The following TOR1B variants were observed in gnomAD, a reference collection of about 807,000 sequenced individuals.
TOR1B encodes the protein torsin-1B.
TOR1B carries 14 observed loss-of-function variants against 29.2 expected under a neutral mutation model. The ratio of observed to expected loss-of-function variants is 0.48; its 90% confidence interval spans 0.32 to 0.75. TOR1B has a LOEUF of 0.75. TOR1B is among the 30% of genes least tolerant of loss of function. TOR1B has a pLI of 0.04. For synonymous variants in TOR1B, 166 were observed against 179.8 expected (o/e 0.92, Z 0.62); for missense variants, 400 against 433.9 (o/e 0.92, Z 0.69).
rs1432898154 is a variant in TOR1B, at chr9:129,811,003, C to T, written c.*1420C>T. ...GACTTAGCTTCCAGCCAGTGTGAAT[C>T]ATTGTATCTGTCTCATAATCACAGC... On this transcript the variant is annotated 3_prime_UTR_variant, in exon 5 of 5. Transcript: ENST00000259339. 6.6e-6 allele frequency: 1 copy of T among 152,198 alleles called. No homozygotes were observed. The highest frequency in any genetic ancestry group is 1.5e-5 in the Non-Finnish European group (1 of 68,034). The allele number at this position is 152,198 out of a possible 1,614,324, so 9.4% of individuals were successfully genotyped here. A position where few individuals can be genotyped will look rare whatever the true frequency, so the allele number is the denominator to read the frequency against.
chr9:129,808,386 C>T (rs1039170308), intron 3 of TOR1B, among the ~76,000 whole-genome samples: 6 of 151,680 alleles, frequency 4.0e-5, no homozygotes, highest in Non-Finnish European at 7.4e-5. Context: ...GTAATCCCAG[C>T]TACTCAGGAG....
Position 129,810,358 on chromosome 9 carries a change from T to TCA in TOR1B, c.*775_*776insCA. 1.3e-6 allele frequency: 1 copy of TCA among 763,364 alleles called. No individual in the cohort carries two copies. The highest frequency in any genetic ancestry group is 1.7e-6 in the Non-Finnish European group (1 of 583,500). The allele number at this position is 763,364 out of a possible 1,614,324, so 47.3% of individuals were successfully genotyped here. On this transcript the variant is annotated 3_prime_UTR_variant, in exon 5 of 5. Coordinates refer to ENST00000259339, the MANE Select transcript of TOR1B (RefSeq NM_014506.3). ...ACCTGTGTGTGTGTGTGTGGGGGGG[T>TCA]GGGGCCTTCACCTAAGACCTCTGCA...
chr9:129,804,555 C>G, intron 2 of TOR1B: 1 of 584,346 alleles, frequency 1.7e-6, no homozygotes. Flanking sequence ...GATGTTATTT[C>G]CATTAAAAGA....
At position 129,804,119 on chromosome 9, in the gene TOR1B, C is replaced by T; in HGVS notation, c.246C>T (p.Ala82=). The change falls in exon 2 of 5, where the codon GCC becomes GCT. Residue 82 remains alanine (A), a synonymous_variant. Coordinates refer to ENST00000259339, the MANE Select transcript of TOR1B (RefSeq NM_014506.3). The part of the protein sequence containing the change: ...LEEKLFGQHL[A]TEVIFKALTG... Reference sequence around the variant, plus strand: ...AGAAGCTGTTTGGACAGCATCTAGCCACGGAAGTGATTTTCAAGGCGCTGA... The same window carrying T: ...AGAAGCTGTTTGGACAGCATCTAGCTACGGAAGTGATTTTCAAGGCGCTGA... 1 of 1,614,188 alleles carries T rather than the reference C, an allele frequency of 6.2e-7. No individual in the cohort carries two copies. Among genetic ancestry groups the T allele is most frequent in the Non-Finnish European group, 8.5e-7 (1 of 1,180,042 alleles).
chr9:129,804,262 G>A lies in TOR1B; in HGVS notation c.389G>A (p.Gly130Asp). ...QIVAENLHPK[G>D]LKSNFVHLFV... ...GTGGCTGAAAATCTTCACCCAAAAGGTCTGAAGAGTAACTTTGTCCACCTG... is the reference window on the plus strand; with the variant it reads ...GTGGCTGAAAATCTTCACCCAAAAGATCTGAAGAGTAACTTTGTCCACCTG... The change falls in exon 2 of 5, where the codon GGT becomes GAT. Residue 130 changes from glycine to aspartate, a missense_variant. Transcript: ENST00000259339. The A allele has an allele frequency of 6.2e-7, 1 of 1,614,174 alleles. No homozygotes were observed. Among genetic ancestry groups the A allele is most frequent in the Non-Finnish European group, 8.5e-7 (1 of 1,180,026 alleles).
In TOR1B at chr9:129,806,425, A is replaced by G. The variant is rs534729473; in HGVS notation, c.466-763A>G. On this transcript the variant is annotated intron_variant, in intron 2 of 4. Transcript: ENST00000259339. ...TGTTTGAAGAAAACATCTGGAACAGATGCTTTTCATGAAATGTCATTGAGT... is the reference window on the plus strand; with the variant it reads ...TGTTTGAAGAAAACATCTGGAACAGGTGCTTTTCATGAAATGTCATTGAGT... 4.6e-5 allele frequency among the ~76,000 whole-genome samples: 7 copies of G among 152,308 alleles called. No individual in the cohort carries two copies. The East Asian group carries it at 9.6e-4, about 21-fold the overall frequency.
At chr9:129,805,638 C>T (rs1172382607) in intron 2 of TOR1B, among the ~76,000 whole-genome samples, 3 of 152,164 alleles carry the variant, frequency 2.0e-5, no homozygotes, top group Non-Finnish European at 2.9e-5. Flanking sequence ...GGATTTGCTC[C>T]GGTGTGGCTT....
In TOR1B at chr9:129,808,785, C is replaced by T. The variant is rs2030654361; in HGVS notation, c.642-120C>T. On this transcript the variant is annotated intron_variant, in intron 3 of 4. Coordinates refer to ENST00000259339, the MANE Select transcript of TOR1B (RefSeq NM_014506.3). ...CAGGCTGGCCTTGAACTCCCGACCTCAGGTGATCTACCTGCCTCGGCCTCC... is the reference window on the plus strand; with the variant it reads ...CAGGCTGGCCTTGAACTCCCGACCTTAGGTGATCTACCTGCCTCGGCCTCC... 19 of 1,267,120 alleles carry T rather than the reference C, an allele frequency of 1.5e-5. No individual in the cohort carries two copies. The South Asian group carries it at 2.4e-4, about 16-fold the overall frequency. The allele number at this position is 1,267,120 out of a possible 1,614,324, so 78.5% of individuals were successfully genotyped here.
intron 2 of TOR1B, among the ~76,000 whole-genome samples, chr9:129,804,827 A>G (rs1465994352): frequency 3.7e-5 from 4 of 108,486 alleles, no homozygotes; most frequent in African/African-American, 1.6e-4. Context: ...GCGCCACCGT[A>G]CTCGGTCTCA....
chr9:129,805,358 G>A (rs1391275723), intron 2 of TOR1B, among the ~76,000 whole-genome samples: 2 of 150,728 alleles, frequency 1.3e-5, no homozygotes, highest in African/African-American at 4.9e-5. Flanking sequence ...GGAGGCTGAG[G>A]TTGCAGTCAG....
At chr9:129,803,991 C>T (rs2030317062) in intron 1 of TOR1B, 82 bp from the exon 2 acceptor site, 16 of 1,568,582 alleles carry the variant, frequency 1.0e-5, no homozygotes, top group Non-Finnish European at 1.4e-5. Context: ...GTGCTTCTTG[C>T]TTTGGCCAGC....
In TOR1B at chr9:129,808,957, G is replaced by A. The variant is rs552325100; in HGVS notation, c.694G>A (p.Gly232Arg). ...GACGGCTCTTGACTTTTGGCGGGCC[G>A]GAAGAAAGAGGGAAGACATTCAGCT... ...TKTALDFWRA[G>R]RKREDIQLKD... Residue 232 changes from glycine (G) to arginine (R), a missense_variant, in exon 4 of 5, where the codon GGA (glycine) becomes AGA (arginine). Coordinates refer to ENST00000259339, the MANE Select transcript of TOR1B (RefSeq NM_014506.3). 118 of 1,614,004 alleles carry A rather than the reference G, an allele frequency of 7.3e-5. 2 individuals carry two copies. In the South Asian group the frequency reaches 1.1e-3, roughly 16 times the overall value.
Position 129,810,343 on chromosome 9 carries a change from G to A in TOR1B, c.*760G>A. 1.8e-6 allele frequency: 2 copies of A among 1,136,506 alleles called. No homozygotes were observed. The highest frequency in any genetic ancestry group is 2.3e-6 in the Non-Finnish European group (2 of 863,380). The allele number at this position is 1,136,506 out of a possible 1,614,324, so 70.4% of individuals were successfully genotyped here. A position where few individuals can be genotyped will look rare whatever the true frequency, so the allele number is the denominator to read the frequency against. ...TCTTGATCTGAGCTGACCTGTGTGT[G>A]TGTGTGTGGGGGGGTGGGGCCTTCA... On this transcript the variant is annotated 3_prime_UTR_variant, in exon 5 of 5. Transcript: ENST00000259339.
chr9:129,810,343 GTGTGTGT>G lies in TOR1B; in HGVS notation c.*761_*767del, dbSNP rs2030778698. 13 of 1,136,406 alleles carry G rather than the reference GTGTGTGT, an allele frequency of 1.1e-5. No homozygotes were observed. The highest frequency in any genetic ancestry group is 3.4e-5 in the African/African-American group (2 of 59,166). 70.4% of individuals were successfully genotyped at this position (1,136,406 alleles called of 1,614,324 possible). A position where few individuals can be genotyped will look rare whatever the true frequency, so the allele number is the denominator to read the frequency against. Reference sequence around the variant, plus strand: ...TCTTGATCTGAGCTGACCTGTGTGTGTGTGTGTGGGGGGGTGGGGCCTTCACCTAAGA... The same window carrying G: ...TCTTGATCTGAGCTGACCTGTGTGTGGGGGGGGTGGGGCCTTCACCTAAGA... On this transcript the variant is annotated 3_prime_UTR_variant, in exon 5 of 5. Transcript: ENST00000259339.
intron 3 of TOR1B, 73 bp from the exon 4 acceptor site, chr9:129,808,832 A>G (rs1466038114): frequency 1.3e-6 from 2 of 1,583,326 alleles, no homozygotes; most frequent in Non-Finnish European, 1.7e-6. Context: ...GATTACAGGC[A>G]TGAGCCACCA....
chr9:129,809,785 C>G lies in TOR1B; in HGVS notation c.*202C>G. 2.1e-6 allele frequency: 3 copies of G among 1,404,720 alleles called. No homozygotes were observed. Among genetic ancestry groups the G allele is most frequent in the Non-Finnish European group, 2.8e-6 (3 of 1,081,104 alleles). The allele number at this position is 1,404,720 out of a possible 1,614,324, so 87.0% of individuals were successfully genotyped here. A position where few individuals can be genotyped will look rare whatever the true frequency, so the allele number is the denominator to read the frequency against. On this transcript the variant is annotated 3_prime_UTR_variant, in exon 5 of 5. Transcript: ENST00000259339. ...TGGTGCAATCCTCAACTCACTGCAA[C>G]CTCCGCTCCCGGTTTGAGTGATTCT...
At chr9:129,809,146 A>G (rs1002716608) in intron 4 of TOR1B, 114 bp downstream of exon 4, 4 of 1,522,038 alleles carry the variant, frequency 2.6e-6, no homozygotes, top group Non-Finnish European at 2.6e-6. Flanking sequence ...ACTTTGCTAA[A>G]GTCAGGAATT....
In TOR1B at chr9:129,810,374, G is replaced by GACCTCTGC. The variant is rs1423056465; in HGVS notation, c.*793_*800dup. 1 of 1,248,504 alleles carries GACCTCTGC rather than the reference G, an allele frequency of 8.0e-7. No homozygotes were observed. The highest frequency in any genetic ancestry group is 1.6e-5 in the African/African-American group (1 of 61,826). The allele number at this position is 1,248,504 out of a possible 1,614,324, so 77.3% of individuals were successfully genotyped here. ...GTGGGGGGGTGGGGCCTTCACCTAAGACCTCTGCAGCAGACCTGGACAGAC... is the reference window on the plus strand; with the variant it reads ...GTGGGGGGGTGGGGCCTTCACCTAAGACCTCTGCACCTCTGCAGCAGACCTGGACAGAC... On this transcript the variant is annotated 3_prime_UTR_variant, in exon 5 of 5. Transcript: ENST00000259339.
At chr9:129,808,543 CTTTTTTT>C (rs763409733) in intron 3 of TOR1B, among the ~76,000 whole-genome samples, 3 of 77,806 alleles carry the variant, frequency 3.9e-5, no homozygotes, top group Non-Finnish European at 4.9e-5. Context: ...ACACAGAAGT[CTTTTTTT>C]TTTTTTTTTT....
Sources: gnomAD v4.1 joint callset for allele counts (sites outside exome capture counted in the v4.1 genomes callset) on GRCh38, gnomAD v4.1.1 for gene constraint, MANE v1.5 for transcripts, NCBI Gene and HGNC (gene_info 2026-07-23, HGNC 2026-07-21) for gene names.